The following MACROD2 variants were observed in gnomAD, a reference collection of about 807,000 sequenced individuals.
MACROD2 encodes mono-ADP ribosylhydrolase 2, also known as ADP-ribose glycohydrolase MACROD2.
MACROD2 carries 36 observed loss-of-function variants against 70.4 expected under a neutral mutation model. The ratio of observed to expected loss-of-function variants is 0.51; its 90% CI spans 0.39 to 0.68. MACROD2 has a LOEUF of 0.68. MACROD2 is among the 30% of genes least tolerant of loss of function. The pLI is 0.00. For missense variants in MACROD2, 496 were observed against 538.4 expected (o/e 0.92, Z 0.78); for synonymous variants, 172 against 178.8 (o/e 0.96, Z 0.30).
intron 8 of MACROD2, among the ~76,000 whole-genome samples, chr20:15,650,044 A>T (rs1333555903): frequency 6.6e-6 from 1 of 152,214 alleles, no homozygotes; most frequent in African/African-American, 2.4e-5. Flanking sequence ...ATATTGTAAG[A>T]CAATAGCTTC....
At chr20:14,568,818 T>C (rs763060321) in intron 4 of MACROD2, among the ~76,000 whole-genome samples, 1 of 152,002 alleles carries the variant, frequency 6.6e-6, no homozygotes, top group Admixed American at 6.6e-5. Context: ...GACTTTTTCC[T>C]TAAATCTCTT....
chr20:15,488,809 TA>T (rs1200128428), intron 7 of MACROD2, among the ~76,000 whole-genome samples: 2 of 152,202 alleles, frequency 1.3e-5, no homozygotes, highest in Non-Finnish European at 2.9e-5. Flanking sequence ...AAAGAATTTC[TA>T]AAAACCCTAT....
intron 5 of MACROD2, among the ~76,000 whole-genome samples, chr20:14,852,258 C>A (rs2073207316): frequency 6.6e-6 from 1 of 152,098 alleles, no homozygotes; most frequent in Non-Finnish European, 1.5e-5. Context: ...TGCAGAAAAT[C>A]AAAGAGGCCC....
In MACROD2 at chr20:13,995,886, C is replaced by G; in HGVS notation, c.46+77C>G. On this transcript the variant is annotated intron_variant, in intron 1 of 17. Transcript: ENST00000684519. The surrounding 1 kb of genome is among the most constrained non-coding windows in gnomAD (Gnocchi z 4.3). ...GGCGGGGGTCAGGCTGTGTGTGCCGCGGCGCCCTCCGCCCGAGCTCCCGCC... is the reference window on the plus strand; with the variant it reads ...GGCGGGGGTCAGGCTGTGTGTGCCGGGGCGCCCTCCGCCCGAGCTCCCGCC... 2 of 1,495,956 alleles carry G rather than the reference C, an allele frequency of 1.3e-6. No homozygotes were observed. The allele number at this position is 1,495,956 out of a possible 1,614,324, so 92.7% of individuals were successfully genotyped here.
At chr20:15,687,484 A>T (rs147349605) in intron 8 of MACROD2, among the ~76,000 whole-genome samples, 1 of 149,870 alleles carries the variant, frequency 6.7e-6, no homozygotes, top group Admixed American at 6.6e-5. Context: ...TTGACTTTCT[A>T]TTCTGACATT....
intron 13 of MACROD2, among the ~76,000 whole-genome samples, chr20:15,981,381 T>C (rs1297596086): frequency 6.6e-6 from 1 of 152,220 alleles, no homozygotes; most frequent in Non-Finnish European, 1.5e-5. Context: ...GTGAATTCTT[T>C]TCCTGTTTTT....
intron 3 of MACROD2, among the ~76,000 whole-genome samples, chr20:14,488,799 A>G (rs941170165): frequency 3.9e-5 from 6 of 152,068 alleles, no homozygotes; most frequent in East Asian, 1.9e-4. Context: ...TTGTTTGTTT[A>G]TTTGTTTAGC....
chr20:14,239,497 C>T (rs534006776), intron 3 of MACROD2, among the ~76,000 whole-genome samples: 7 of 152,232 alleles, frequency 4.6e-5, no homozygotes, highest in South Asian at 2.1e-4. Flanking sequence ...GTAACTGAAA[C>T]GGCATGATAC....
intron 3 of MACROD2, among the ~76,000 whole-genome samples, chr20:14,487,348 G>A (rs532464685): frequency 1.3e-5 from 2 of 152,180 alleles, no homozygotes; most frequent in South Asian, 2.1e-4. Context: ...CCTGGCACAT[G>A]TCAGGTTTGC....
chr20:14,803,354 T>C (rs538826235), intron 5 of MACROD2, among the ~76,000 whole-genome samples: 1 of 152,264 alleles, frequency 6.6e-6, no homozygotes, highest in South Asian at 2.1e-4. Flanking sequence ...AACTTATTGA[T>C]GAATCACCAA....
chr20:15,873,736 AG>A (rs992753968), intron 9 of MACROD2, among the ~76,000 whole-genome samples: 1 of 152,064 alleles, frequency 6.6e-6, no homozygotes, highest in Non-Finnish European at 1.5e-5. Context: ...AAGGACGAAA[AG>A]TCCGAAGGTT....
chr20:15,139,642 T>G (rs1018886344), intron 5 of MACROD2, among the ~76,000 whole-genome samples: 6 of 152,122 alleles, frequency 3.9e-5, no homozygotes, highest in African/African-American at 1.4e-4. Flanking sequence ...AAAAAAATCA[T>G]GTGGATTTGC....
Position 13,995,654 on chromosome 20 carries a change from C to T in MACROD2, c.-110C>T. On this transcript the variant is annotated 5_prime_UTR_variant, in exon 1 of 18. Coordinates refer to ENST00000684519, the MANE Select transcript of MACROD2 (RefSeq NM_001351661.2). This position sits in a 1 kb window ranked among gnomAD's most constrained non-coding sequence, Gnocchi z 4.3. ...GCAGCGCAGGACGCAGAGCCTCTTT[C>T]ACTTTTTCCCTGCTGAGTGCCCCCT... 1 of 953,964 alleles carries T rather than the reference C, an allele frequency of 1.0e-6. No homozygotes were observed. Among genetic ancestry groups the T allele is most frequent in the Non-Finnish European group, 1.7e-6 (1 of 591,172 alleles). The allele number at this position is 953,964 out of a possible 1,614,324, so 59.1% of individuals were successfully genotyped here.
intron 5 of MACROD2, among the ~76,000 whole-genome samples, chr20:14,963,358 C>T (rs946411522): frequency 7.2e-5 from 11 of 152,188 alleles, no homozygotes; most frequent in African/African-American, 2.7e-4. Context: ...TTCTATTACT[C>T]AGGGGAAGGA....
At chr20:15,078,740 G>T (rs1407998653) in intron 5 of MACROD2, among the ~76,000 whole-genome samples, 2 of 147,722 alleles carry the variant, frequency 1.4e-5, no homozygotes, top group East Asian at 4.1e-4. Flanking sequence ...TTCGACTCCT[G>T]GGTTCAAGCG....
intron 3 of MACROD2, among the ~76,000 whole-genome samples, chr20:14,476,378 C>T (rs1469430495): frequency 6.6e-6 from 1 of 152,118 alleles, no homozygotes; most frequent in African/African-American, 2.4e-5. Context: ...TTTCTTGAGA[C>T]AAAGTCTCCC....
chr20:14,745,474 C>G (rs1008223629), intron 5 of MACROD2, among the ~76,000 whole-genome samples: 7 of 152,240 alleles, frequency 4.6e-5, no homozygotes, highest in Middle Eastern at 3.4e-3. Flanking sequence ...GAACATTTCC[C>G]TAGGCATTCT....
chr20:15,136,201 G>A (rs2076146508), intron 5 of MACROD2, among the ~76,000 whole-genome samples: 1 of 146,156 alleles, frequency 6.8e-6, no homozygotes, highest in Non-Finnish European at 1.5e-5. Context: ...CACAGAATTG[G>A]AAAAAACTAC....
At chr20:14,963,775 A>G (rs956607707) in intron 5 of MACROD2, among the ~76,000 whole-genome samples, 3 of 152,168 alleles carry the variant, frequency 2.0e-5, no homozygotes, top group Admixed American at 6.5e-5. Context: ...ATAATGATCA[A>G]TCTCTTTTTG....
Sources: gnomAD v4.1 joint callset for allele counts (sites outside exome capture counted in the v4.1 genomes callset) on GRCh38, gnomAD v4.1.1 for gene constraint, Gnocchi (gnomAD v3.1) non-coding constraint, MANE v1.5 for transcripts, NCBI Gene and HGNC (gene_info 2026-07-23, HGNC 2026-07-21) for gene names.